Variants in SERPINB1 observed in about 807,000 individuals in gnomAD.
SERPINB1 encodes leukocyte elastase inhibitor.
A neutral mutation model predicts 25.9 loss-of-function variants in SERPINB1; 23 were observed. The observed-to-expected ratio is 0.89, with a 90% confidence interval of 0.64 to 1.26. The LOEUF (loss-of-function observed/expected upper bound fraction) is 1.26, where lower values mean the gene tolerates loss of function less well. Among genes scored for constraint, SERPINB1 ranks in the 50% most tolerant of loss-of-function variants. The pLI, the probability that SERPINB1 is intolerant of heterozygous loss-of-function variation, is 0.00. For missense variants in SERPINB1, 399 were observed against 463.6 expected (o/e 0.86, Z 1.28); for synonymous variants, 178 against 178.7 (o/e 1.00, Z 0.03).
chr6:2,834,932 C>T (rs906370156), intron 6 of SERPINB1, among the ~76,000 whole-genome samples: 47 of 152,170 alleles, frequency 3.1e-4, no homozygotes, highest in African/African-American at 1.1e-3. Context: ...AGCTATTGGA[C>T]TGGAATAGAA....
Position 2,840,500 on chromosome 6 carries a change from G to A in SERPINB1, c.87C>T (p.Phe29=), listed in dbSNP as rs75447973. ...LSENNPAGNI[F]ISPFSISSAM... is the part of the protein sequence containing the mutation. ...CAGATGAAATGCTGAAGGGAGAGAT[G>A]AAGATGTTTCCAGCCGGATTGTTCT... Residue 29 remains phenylalanine, a synonymous_variant, in exon 2 of 7, where the codon TTC becomes TTT. Coordinates refer to ENST00000380739, the MANE Select transcript of SERPINB1 (RefSeq NM_030666.4). 3.7e-4 allele frequency: 603 copies of A among 1,614,158 alleles called. 2 individuals carry two copies. In the African/African-American group the frequency reaches 7.0e-3, roughly 19 times the overall value.
Position 2,833,651 on chromosome 6 carries a change from G to A in SERPINB1, c.1097C>T (p.Ser366Phe). ...CCCCAAGAATAGGATGCTACCTGAG[G>A]AATTATGCCGAATAAAGAAAAGGAA... ...HPFLFFIRHN[S>F]SGSILFLGRF... The change falls in exon 7 of 7, where the codon TCC (serine) becomes TTC (phenylalanine). Residue 366 changes from serine to phenylalanine, a missense_variant. Coordinates refer to ENST00000380739, the MANE Select transcript of SERPINB1 (RefSeq NM_030666.4). 6.2e-7 allele frequency: 1 copy of A among 1,614,016 alleles called. No individual in the cohort carries two copies. Among genetic ancestry groups the A allele is most frequent in the Non-Finnish European group, 8.5e-7 (1 of 1,179,908 alleles).
At chr6:2,834,285 A>C (rs1766423291) in intron 6 of SERPINB1, among the ~76,000 whole-genome samples, 2 of 150,306 alleles carry the variant, frequency 1.3e-5, no homozygotes, top group African/African-American at 4.9e-5. Context: ...CCATCCACCC[A>C]TTTGTCCACT....
At chr6:2,836,805 C>T (rs866719254) in intron 4 of SERPINB1, among the ~76,000 whole-genome samples, 79 of 152,174 alleles carry the variant, frequency 5.2e-4, no homozygotes, top group African/African-American at 1.6e-3. Context: ...CAGTGAGCCA[C>T]GATCGCACCA....
At chr6:2,836,321 G>A in intron 4 of SERPINB1, 71 bp from the exon 5 acceptor site, 1 of 1,399,560 alleles carries the variant, frequency 7.1e-7, no homozygotes, top group Middle Eastern at 1.8e-4. Flanking sequence ...CAATATATTA[G>A]CACGGAAATG....
intron 2 of SERPINB1, among the ~76,000 whole-genome samples, chr6:2,839,946 CA>C (rs1172067734): frequency 6.6e-6 from 1 of 152,134 alleles, no homozygotes; most frequent in Non-Finnish European, 1.5e-5. Flanking sequence ...CTTTTCCTTG[CA>C]AAAAAGCAAT....
At chr6:2,836,383 T>G in intron 4 of SERPINB1, 133 bp from the exon 5 acceptor site, 1 of 1,001,174 alleles carries the variant, frequency 1.0e-6, no homozygotes, top group Non-Finnish European at 1.4e-6. Context: ...GATATTAACT[T>G]AGGAAAGCCC....
At position 2,832,457 on chromosome 6, in the gene SERPINB1, A is replaced by C. The variant is rs993941719; in HGVS notation, c.*1151T>G. 3.3e-5 allele frequency: 5 copies of C among 152,320 alleles called. No homozygotes were observed. Among genetic ancestry groups the C allele is most frequent in the African/African-American group, 1.2e-4 (5 of 41,420 alleles). The allele number at this position is 152,320 out of a possible 1,614,324, so 9.4% of individuals were successfully genotyped here. ...TTTGACAAAGTTTTATATCAGTCCA[A>C]GAGCCCCCACCCCATCTCCCCACAC... On this transcript the variant is annotated 3_prime_UTR_variant, in exon 7 of 7. Transcript: ENST00000380739.
In SERPINB1 at chr6:2,835,726, G is replaced by A. The variant is rs1766469051; in HGVS notation, c.735+130C>T. On this transcript the variant is annotated intron_variant, in intron 6 of 6. Coordinates refer to ENST00000380739, the MANE Select transcript of SERPINB1 (RefSeq NM_030666.4). ...GGGCTTTAGTGTAGTAAGTGTTGAT[G>A]GGCTACATTTACAAAGGAATGACAA... The A allele has an allele frequency of 5.9e-6, 6 of 1,012,792 alleles. No individual in the cohort carries two copies. In the East Asian group the frequency reaches 7.6e-5, roughly 13 times the overall value. The allele number at this position is 1,012,792 out of a possible 1,614,324, so 62.7% of individuals were successfully genotyped here.
chr6:2,833,498 G>A lies in SERPINB1; in HGVS notation c.*110C>T. On this transcript the variant is annotated 3_prime_UTR_variant, in exon 7 of 7. Coordinates refer to ENST00000380739, the MANE Select transcript of SERPINB1 (RefSeq NM_030666.4). Reference sequence around the variant, plus strand: ...AACTTACAAAGAAAATGAAAGACTTGTTTCTGAACAGTGGTTTTATTGGTA... The same window carrying A: ...AACTTACAAAGAAAATGAAAGACTTATTTCTGAACAGTGGTTTTATTGGTA... 1 of 1,071,520 alleles carries A rather than the reference G, an allele frequency of 9.3e-7. No homozygotes were observed. Among genetic ancestry groups the A allele is most frequent in the South Asian group, 1.9e-5 (1 of 53,846 alleles). 66.4% of individuals were successfully genotyped at this position (1,071,520 alleles called of 1,614,324 possible). A position where few individuals can be genotyped will look rare whatever the true frequency, so the allele number is the denominator to read the frequency against.
chr6:2,833,541 G>A lies in SERPINB1; in HGVS notation c.*67C>T, dbSNP rs1766399902. 7.4e-7 allele frequency: 1 copy of A among 1,342,432 alleles called. No individual in the cohort carries two copies. Among genetic ancestry groups the A allele is most frequent in the Non-Finnish European group, 1.0e-6 (1 of 981,592 alleles). The allele number at this position is 1,342,432 out of a possible 1,614,324, so 83.2% of individuals were successfully genotyped here. ...TATTGGTAAAGATATAAGACATATT[G>A]GCTCTATTAAAAACTCAGGTAATAA... On this transcript the variant is annotated 3_prime_UTR_variant, in exon 7 of 7. Transcript: ENST00000380739.
rs1012677590 is a variant in SERPINB1 at position 2,841,098 on chromosome 6, G to A, written c.-8-504C>T. 1.3e-5 allele frequency: 2 copies of A among 152,168 alleles called. No individual in the cohort carries two copies. Among genetic ancestry groups the A allele is most frequent in the African/African-American group, 4.8e-5 (2 of 41,398 alleles). 9.4% of individuals were successfully genotyped at this position (152,168 alleles called of 1,614,324 possible). ...ACTATGCATTAAAACTCCAGCAAAGGTATCACTGTAATTATTATAATAATA... is the reference window on the plus strand; with the variant it reads ...ACTATGCATTAAAACTCCAGCAAAGATATCACTGTAATTATTATAATAATA... On this transcript the variant is annotated intron_variant, in intron 1 of 6. Transcript: ENST00000380739. The surrounding 1 kb of genome is among the most constrained non-coding windows in gnomAD (Gnocchi z 4.5).
intron 2 of SERPINB1, chr6:2,839,336 G>A (rs1487562324): frequency 3.0e-6 from 3 of 984,988 alleles, no homozygotes; most frequent in South Asian, 4.7e-5. Flanking sequence ...ATTACTCACC[G>A]AGATATGGAA....
At chr6:2,834,119 T>G in intron 6 of SERPINB1, 107 bp from the exon 7 acceptor site, 1 of 1,065,500 alleles carries the variant, frequency 9.4e-7, no homozygotes, top group Non-Finnish European at 1.3e-6. Context: ...GCTAGTTAGT[T>G]TCCTTCATGT....
In SERPINB1 at chr6:2,835,455, C is replaced by T. The variant is rs191702443; in HGVS notation, c.735+401G>A. Among the ~76,000 whole-genome samples the T allele has an allele frequency of 5.3e-5, 8 of 152,294 alleles. No individual in the cohort carries two copies. The East Asian group carries it at 1.3e-3, about 26-fold the overall frequency. On this transcript the variant is annotated intron_variant, in intron 6 of 6. Transcript: ENST00000380739. ...GCTAATTCAAGAGCCTTTCCATGAG[C>T]TGCCACTAACCAGTATTATATTTAG...
rs138740380 is a variant in SERPINB1 at position 2,833,779 on chromosome 6, A to G, written c.969T>C (p.Phe323=). ...CTGTTCCCTCTTCATTCACTTCCAC[A>G]AATGACTTGTGGACAATTTTTGATA... is the stretch of plus-strand genomic sequence containing the variant. ...IFISKIVHKS[F]VEVNEEGTEA... is the part of the protein sequence containing the mutation. Residue 323 remains phenylalanine, a synonymous_variant, in exon 7 of 7, where the codon TTT becomes TTC. Transcript: ENST00000380739. The G allele has an allele frequency of 2.6e-4, 414 of 1,614,168 alleles. 2 individuals are homozygous for G. The African/African-American group carries it at 4.8e-3, about 19-fold the overall frequency.
rs1229840910 is a variant in SERPINB1, at chr6:2,837,538, C to A, written c.424+344G>T. The stretch of plus-strand genomic sequence containing the variant: ...TCAAATGATCCGCCCGCCTTGGGCT[C>A]CCAAAGTGCTGGGATTACAGGCATG... On this transcript the variant is annotated intron_variant, in intron 4 of 6. Coordinates refer to ENST00000380739, the MANE Select transcript of SERPINB1 (RefSeq NM_030666.4). The surrounding 1 kb of genome is among the most constrained non-coding windows in gnomAD (Gnocchi z 4.3). 6.6e-6 allele frequency among the ~76,000 whole-genome samples: 1 copy of A among 152,126 alleles called. No homozygotes were observed.
chr6:2,836,646 T>C (rs1295090714), intron 4 of SERPINB1, among the ~76,000 whole-genome samples: 1 of 48,812 alleles, frequency 2.0e-5, no homozygotes, highest in Non-Finnish European at 6.8e-5. Context: ...CTTCTTCAAA[T>C]CGCTGAGTAG....
chr6:2,840,515 C>G lies in SERPINB1; in HGVS notation c.72G>C (p.Pro24=). The change falls in exon 2 of 7, where the codon CCG becomes CCC. Residue 24 remains proline, a synonymous_variant. Transcript: ENST00000380739. ...AGGGAGAGATGAAGATGTTTCCAGC[C>G]GGATTGTTCTCACTCAACGCCAGGA... ...DLFLALSENN[P]AGNIFISPFS... 1.2e-6 allele frequency: 2 copies of G among 1,614,116 alleles called. No individual in the cohort carries two copies. Among genetic ancestry groups the G allele is most frequent in the Non-Finnish European group, 8.5e-7 (1 of 1,180,020 alleles).
Sources: gnomAD v4.1 joint callset for allele counts (sites outside exome capture counted in the v4.1 genomes callset) on GRCh38, gnomAD v4.1.1 for gene constraint, Gnocchi (gnomAD v3.1) non-coding constraint, MANE v1.5 for transcripts, NCBI Gene and HGNC (gene_info 2026-07-23, HGNC 2026-07-21) for gene names.